The following LYPLAL1 variants were observed in gnomAD, a reference collection of about 807,000 sequenced individuals.
The protein encoded by LYPLAL1 is lysophospholipase-like protein 1.
Under a neutral mutation model 19.7 loss-of-function variants are expected in LYPLAL1, and 23 were observed. The observed-to-expected ratio is 1.17, with a 90% confidence interval of 0.84 to 1.65. The LOEUF is 1.65. Ranked by LOEUF, LYPLAL1 falls within the 40% of genes most tolerant of loss-of-function variation. LYPLAL1 has a pLI of 0.00. For synonymous variants in LYPLAL1, 119 were observed against 96.3 expected, an observed-to-expected ratio of 1.24 and a Z score of -1.38; for missense variants, 355 against 279.4, an observed-to-expected ratio of 1.27 and a Z score of -1.93.
At chr1:219,391,696 A>C in the LYPLAL1 span, among the ~76,000 whole-genome samples, 1 of 152,080 alleles carries the variant, frequency 6.6e-6, no homozygotes, top group Non-Finnish European at 1.5e-5. Context: ...ACTGATATTC[A>C]AGCTATATAT....
the LYPLAL1 span, among the ~76,000 whole-genome samples, chr1:219,276,492 T>A: frequency 1.3e-5 from 2 of 152,298 alleles, no homozygotes; most frequent in South Asian, 4.1e-4. Context: ...TAGAATTGAG[T>A]CAGCCAGAGG....
chr1:219,434,953 T>A, the LYPLAL1 span, among the ~76,000 whole-genome samples: 2 of 152,120 alleles, frequency 1.3e-5, no homozygotes, highest in African/African-American at 4.8e-5. Flanking sequence ...GGACCCCATG[T>A]CCCCTCATCA....
the LYPLAL1 span, among the ~76,000 whole-genome samples, chr1:219,295,023 A>G: frequency 3.9e-5 from 6 of 152,112 alleles, no homozygotes; most frequent in Non-Finnish European, 1.5e-5. Flanking sequence ...TGAGCAGTCA[A>G]CACTCTTTCT....
the LYPLAL1 span, among the ~76,000 whole-genome samples, chr1:219,235,775 A>G: frequency 6.6e-6 from 1 of 152,170 alleles, no homozygotes; most frequent in African/African-American, 2.4e-5. Context: ...TTTATACATG[A>G]ATTTCCAGCA....
the LYPLAL1 span, among the ~76,000 whole-genome samples, chr1:219,400,842 C>A: frequency 3.3e-5 from 5 of 152,294 alleles, 1 homozygote; most frequent in East Asian, 9.6e-4. Context: ...ATCTAGCTAT[C>A]TATCTAATGA....
the LYPLAL1 span, among the ~76,000 whole-genome samples, chr1:219,368,308 C>T: frequency 6.6e-6 from 1 of 152,168 alleles, no homozygotes; most frequent in Admixed American, 6.5e-5. Context: ...ACAGGCACTA[C>T]AATGTGTAGA....
intron 2 of LYPLAL1, 28 bp downstream of exon 2, chr1:219,179,274 A>G (rs896493930): frequency 1.4e-6 from 2 of 1,481,132 alleles, no homozygotes; most frequent in Non-Finnish European, 1.9e-6. Context: ...TCACTTGTCA[A>G]TATAACTCTG....
downstream of LYPLAL1, among the ~76,000 whole-genome samples, chr1:219,216,520 T>C (rs1186513141): frequency 1.3e-5 from 2 of 152,156 alleles, no homozygotes; most frequent in Non-Finnish European, 2.9e-5. Context: ...TTTGTCATAC[T>C]CTATATGATA....
intron 2 of LYPLAL1, among the ~76,000 whole-genome samples, chr1:219,184,422 T>G (rs1386763333): frequency 6.6e-6 from 1 of 151,976 alleles, no homozygotes. Flanking sequence ...ACTTAGTATA[T>G]TCCTTATGAA....
chr1:219,367,301 G>A, the LYPLAL1 span, among the ~76,000 whole-genome samples: 1 of 152,190 alleles, frequency 6.6e-6, no homozygotes, highest in African/African-American at 2.4e-5. Flanking sequence ...TACGTGTGAT[G>A]TTGACGTTGT....
chr1:219,299,525 G>A, the LYPLAL1 span, among the ~76,000 whole-genome samples: 1 of 152,120 alleles, frequency 6.6e-6, no homozygotes, highest in Admixed American at 6.5e-5. Flanking sequence ...ACGGGGTGGT[G>A]TTGAGTCATC....
At chr1:219,319,204 A>G in the LYPLAL1 span, among the ~76,000 whole-genome samples, 1 of 152,168 alleles carries the variant, frequency 6.6e-6, no homozygotes, top group South Asian at 2.1e-4. Flanking sequence ...AGCTCAGAGC[A>G]TGTTGCTGGG....
At chr1:219,232,863 T>C in the LYPLAL1 span, among the ~76,000 whole-genome samples, 2 of 116,554 alleles carry the variant, frequency 1.7e-5, no homozygotes, top group Non-Finnish European at 3.9e-5. Flanking sequence ...TGGCTACTAT[T>C]TAAAAAAAAA....
the LYPLAL1 span, among the ~76,000 whole-genome samples, chr1:219,384,456 C>T: frequency 6.6e-6 from 1 of 152,170 alleles, no homozygotes; most frequent in Non-Finnish European, 1.5e-5. Context: ...GGCATTCCAG[C>T]AGTGGTTTTT....
At chr1:219,205,212 CCGGGCGCGGTGG>C (rs1658458620) in intron 3 of LYPLAL1, among the ~76,000 whole-genome samples, 3 of 151,020 alleles carry the variant, frequency 2.0e-5, no homozygotes, top group African/African-American at 7.3e-5. Context: ...AAAAAATTAG[CCGGGCGCGGTGG>C]CGGGCGCCTG....
the LYPLAL1 span, among the ~76,000 whole-genome samples, chr1:219,358,728 C>G: frequency 6.6e-6 from 1 of 152,132 alleles, no homozygotes; most frequent in Admixed American, 6.5e-5. Flanking sequence ...GTCCCTTCCT[C>G]AACATGTAGG....
chr1:219,250,009 AACT>A, the LYPLAL1 span, among the ~76,000 whole-genome samples: 12 of 151,964 alleles, frequency 7.9e-5, no homozygotes, highest in African/African-American at 2.9e-4. Context: ...TAAATTAAGA[AACT>A]ACTAATGTTA....
At chr1:219,207,428 C>T (rs1658661987) in intron 3 of LYPLAL1, among the ~76,000 whole-genome samples, 1 of 151,932 alleles carries the variant, frequency 6.6e-6, no homozygotes, top group African/African-American at 2.4e-5. Context: ...GCTTGGAGCA[C>T]ACTAATCATT....
At chr1:219,225,083 C>A in the LYPLAL1 span, among the ~76,000 whole-genome samples, 1 of 152,098 alleles carries the variant, frequency 6.6e-6, no homozygotes, top group African/African-American at 2.4e-5. Flanking sequence ...TATTCTCTCT[C>A]TGGCTGAGCT....
Sources: gnomAD v4.1 joint callset for allele counts (sites outside exome capture counted in the v4.1 genomes callset) on GRCh38, gnomAD v4.1.1 for gene constraint, MANE v1.5 for transcripts, NCBI Gene and HGNC (gene_info 2026-07-23, HGNC 2026-07-21) for gene names.